The following ATP6V1H variants were observed in gnomAD, a reference collection of about 807,000 sequenced individuals.
ATP6V1H encodes V-type proton ATPase subunit H.
Under a neutral mutation model 71.7 loss-of-function variants are expected in ATP6V1H, and 39 were observed. The ratio of observed to expected loss-of-function variants is 0.54; its 90% CI spans 0.42 to 0.71. ATP6V1H has a LOEUF of 0.71. Ranked by LOEUF, ATP6V1H falls within the 30% of genes least tolerant of loss-of-function variation. The pLI, the probability that ATP6V1H is intolerant of heterozygous loss-of-function variation, is 0.00. For synonymous variants in ATP6V1H, 192 were observed against 199.3 expected (o/e 0.96, Z 0.31); for missense variants, 509 against 594.9 (o/e 0.86, Z 1.50).
At chr8:53,753,531 A>C (rs1245248322) in intron 12 of ATP6V1H, among the ~76,000 whole-genome samples, 1 of 152,168 alleles carries the variant, frequency 6.6e-6, no homozygotes, top group African/African-American at 2.4e-5. Flanking sequence ...GAAACATTTG[A>C]AACACCAGCT....
intron 7 of ATP6V1H, chr8:53,806,817 A>C (rs1371039238): frequency 2.2e-6 from 1 of 453,626 alleles, no homozygotes. Flanking sequence ...CCCATTTTAT[A>C]ATCAAGTGTT....
intron 13 of ATP6V1H, among the ~76,000 whole-genome samples, chr8:53,728,292 G>T (rs973976815): frequency 6.6e-6 from 1 of 152,168 alleles, no homozygotes; most frequent in Admixed American, 6.5e-5. Flanking sequence ...AGAGCCACTC[G>T]GCATGGGTGG....
chr8:53,776,301 T>G (rs1356780200), intron 9 of ATP6V1H, among the ~76,000 whole-genome samples: 1 of 152,078 alleles, frequency 6.6e-6, no homozygotes, highest in Non-Finnish European at 1.5e-5. Flanking sequence ...CCCTGCAAGC[T>G]GAGGGAGTGG....
At chr8:53,798,765 T>C (rs1001902074) in intron 8 of ATP6V1H, among the ~76,000 whole-genome samples, 1 of 152,224 alleles carries the variant, frequency 6.6e-6, no homozygotes, top group Non-Finnish European at 1.5e-5. Context: ...TTAATGCCCA[T>C]TTCTCCACCT....
intron 3 of ATP6V1H, 32 bp downstream of exon 3, chr8:53,832,952 G>T: frequency 3.5e-6 from 5 of 1,421,318 alleles, no homozygotes; most frequent in South Asian, 2.4e-5. Context: ...ATGACACGGG[G>T]AAGTGTTCAT....
chr8:53,764,961 C>T (rs76878086), intron 11 of ATP6V1H, among the ~76,000 whole-genome samples: 56 of 152,188 alleles, frequency 3.7e-4, no homozygotes, highest in East Asian at 1.7e-3. Flanking sequence ...ACAAAATAGC[C>T]GGGCATGGTG....
chr8:53,826,549 A>G (rs1358166171), intron 4 of ATP6V1H, among the ~76,000 whole-genome samples: 1 of 152,186 alleles, frequency 6.6e-6, no homozygotes, highest in African/African-American at 2.4e-5. Context: ...CAAGCAAAAA[A>G]TAAGAGATTA....
chr8:53,827,555 GCAAA>G (rs1810862704), intron 4 of ATP6V1H, among the ~76,000 whole-genome samples: 1 of 151,934 alleles, frequency 6.6e-6, no homozygotes, highest in Admixed American at 6.6e-5. Flanking sequence ...ACAAAAAACT[GCAAA>G]CAAATACTGA....
intron 4 of ATP6V1H, among the ~76,000 whole-genome samples, chr8:53,828,541 T>C (rs1810895745): frequency 6.6e-6 from 1 of 152,210 alleles, no homozygotes; most frequent in Non-Finnish European, 1.5e-5. Flanking sequence ...CACATTTTTC[T>C]AAACTTTACT....
intron 9 of ATP6V1H, among the ~76,000 whole-genome samples, chr8:53,789,251 C>T (rs4737753): frequency 0.31 from 46,680 of 152,014 alleles, 15,260 homozygotes; most frequent in African/African-American, 0.82. Context: ...CAGTGAAAAA[C>T]AAAGGAAGAG....
chr8:53,762,108 T>C (rs1268700139), intron 11 of ATP6V1H, among the ~76,000 whole-genome samples: 2 of 152,234 alleles, frequency 1.3e-5, no homozygotes, highest in Non-Finnish European at 2.9e-5. Flanking sequence ...GATAAAAATT[T>C]AGTTTCTCAG....
At chr8:53,827,728 A>C (rs1168992361) in intron 4 of ATP6V1H, among the ~76,000 whole-genome samples, 6 of 152,106 alleles carry the variant, frequency 3.9e-5, no homozygotes, top group Non-Finnish European at 7.4e-5. Flanking sequence ...CCTAGTACCC[A>C]ATAGTTATTT....
At chr8:53,741,129 C>A (rs1807399536) in intron 13 of ATP6V1H, among the ~76,000 whole-genome samples, 1 of 152,160 alleles carries the variant, frequency 6.6e-6, no homozygotes, top group Non-Finnish European at 1.5e-5. Flanking sequence ...CCTGTAAAGA[C>A]AGAATACACT....
At position 53,745,829 on chromosome 8, in the gene ATP6V1H, C is replaced by G. The variant is rs534371966; in HGVS notation, c.1278-2139G>C. Among the ~76,000 whole-genome samples the G allele has an allele frequency of 3.9e-5, 6 of 152,324 alleles. No homozygotes were observed. In the East Asian group the frequency reaches 1.2e-3, roughly 29 times the overall value. ...ATGGCAGAACGCTGCCTTGTTCCCCCACAGCTGGGGATGTGTCCATTAGCG... is the reference window on the plus strand; with the variant it reads ...ATGGCAGAACGCTGCCTTGTTCCCCGACAGCTGGGGATGTGTCCATTAGCG... On this transcript the variant is annotated intron_variant, in intron 12 of 13. Transcript: ENST00000359530.
intron 4 of ATP6V1H, among the ~76,000 whole-genome samples, chr8:53,826,119 G>A (rs919125564): frequency 3.3e-5 from 5 of 152,154 alleles, no homozygotes; most frequent in South Asian, 4.2e-4. Context: ...GTTCAACCTC[G>A]GACACCATTC....
At chr8:53,718,754 G>C (rs2130069338) in intron 13 of ATP6V1H, among the ~76,000 whole-genome samples, 1 of 152,280 alleles carries the variant, frequency 6.6e-6, no homozygotes, top group East Asian at 1.9e-4. Flanking sequence ...CCTGACCTAA[G>C]TACGTGACAC....
chr8:53,740,182 A>C (rs1022192098), intron 13 of ATP6V1H, among the ~76,000 whole-genome samples: 4 of 152,366 alleles, frequency 2.6e-5, no homozygotes, highest in Non-Finnish European at 4.4e-5. Flanking sequence ...AATCAAAATC[A>C]AAATCCAAAT....
At chr8:53,771,171 G>C (rs145599194) in intron 10 of ATP6V1H, among the ~76,000 whole-genome samples, 1 of 152,264 alleles carries the variant, frequency 6.6e-6, no homozygotes, top group African/African-American at 2.4e-5. Flanking sequence ...AAACAGACTT[G>C]AAAAAGTCAA....
At chr8:53,819,600 TACAC>T (rs1250560109) in intron 4 of ATP6V1H, among the ~76,000 whole-genome samples, 3 of 102,456 alleles carry the variant, frequency 2.9e-5, no homozygotes, top group African/African-American at 1.1e-4. Context: ...TACACACACA[TACAC>T]ACATTGTATA....
Sources: gnomAD v4.1 joint callset for allele counts (sites outside exome capture counted in the v4.1 genomes callset) on GRCh38, gnomAD v4.1.1 for gene constraint, MANE v1.5 for transcripts, NCBI Gene and HGNC (gene_info 2026-07-23, HGNC 2026-07-21) for gene names.